OSTF1: variants seen among roughly 807,000 people sequenced by gnomAD.
The protein encoded by OSTF1 is osteoclast-stimulating factor 1.
OSTF1 carries 27 observed loss-of-function variants against 37.2 expected under a neutral mutation model. The observed-to-expected ratio is 0.73, with a 90% CI of 0.54 to 1.00. The LOEUF is 1.00. Ranked by LOEUF, OSTF1 falls within the 50% of genes least tolerant of loss-of-function variation. The probability of loss-of-function intolerance (pLI) is 0.00; values close to 1 mark genes in which losing one functional copy is unlikely to be tolerated. For synonymous variants in OSTF1, 82 were observed against 89.2 expected, an observed-to-expected ratio of 0.92 and a Z score of 0.46; for missense variants, 232 against 253.8, an observed-to-expected ratio of 0.91 and a Z score of 0.58.
intron 1 of OSTF1, among the ~76,000 whole-genome samples, chr9:75,115,656 G>GT (rs1825476106): frequency 3.1e-5 from 4 of 129,030 alleles, no homozygotes; most frequent in African/African-American, 5.9e-5. Context: ...TTTTTTTTTT[G>GT]TTTTTTGTTT....
intron 2 of OSTF1, among the ~76,000 whole-genome samples, chr9:75,126,577 GT>G (rs1427983604): frequency 6.6e-6 from 1 of 151,990 alleles, no homozygotes; most frequent in East Asian, 1.9e-4. Context: ...TTTTTTGGTT[GT>G]TTTTGTTTGT....
At chr9:75,098,865 A>G (rs1825136565) in intron 1 of OSTF1, among the ~76,000 whole-genome samples, 1 of 152,228 alleles carries the variant, frequency 6.6e-6, no homozygotes, top group Non-Finnish European at 1.5e-5. Flanking sequence ...TGCTAAGAGA[A>G]TGATTCTCTC....
intron 7 of OSTF1, 39 bp from the exon 8 acceptor site, chr9:75,137,499 C>G (rs772271599): frequency 1.5e-6 from 2 of 1,335,796 alleles, no homozygotes; most frequent in South Asian, 1.2e-5. Context: ...AATCCACCCT[C>G]TATCTTAAAA....
intron 2 of OSTF1, among the ~76,000 whole-genome samples, chr9:75,120,243 C>T (rs993157006): frequency 6.6e-5 from 10 of 152,200 alleles, no homozygotes; most frequent in East Asian, 1.9e-4. Flanking sequence ...TGGACTCTAA[C>T]GTAAGAATTT....
At chr9:75,112,151 G>C (rs766960394) in intron 1 of OSTF1, among the ~76,000 whole-genome samples, 2 of 151,156 alleles carry the variant, frequency 1.3e-5, no homozygotes, top group Non-Finnish European at 2.9e-5. Flanking sequence ...ATGTTTGCAG[G>C]GAAGATAATA....
At chr9:75,120,528 G>C (rs1401800857) in intron 2 of OSTF1, among the ~76,000 whole-genome samples, 1 of 152,114 alleles carries the variant, frequency 6.6e-6, no homozygotes, top group Non-Finnish European at 1.5e-5. Flanking sequence ...TGAGACTGGA[G>C]GTGACTCTTG....
At chr9:75,090,584 A>G (rs1252588208) in intron 1 of OSTF1, among the ~76,000 whole-genome samples, 1 of 152,218 alleles carries the variant, frequency 6.6e-6, no homozygotes, top group Non-Finnish European at 1.5e-5. Flanking sequence ...CAAAGTTACC[A>G]TAGAAATGGG....
At chr9:75,116,623 T>TG (rs1393012810) in intron 1 of OSTF1, among the ~76,000 whole-genome samples, 58 of 151,740 alleles carry the variant, frequency 3.8e-4, no homozygotes, top group African/African-American at 1.4e-3. Context: ...TTTTTTTTTT[T>TG]TCCTCCGTGG....
intron 1 of OSTF1, among the ~76,000 whole-genome samples, chr9:75,093,064 C>CTTTTTTTTTTTTTTTTTTTT (rs1043919048): frequency 8.9e-6 from 1 of 112,860 alleles, no homozygotes; most frequent in African/African-American, 3.2e-5. Context: ...TTCTTTCTTT[C>CTTTTTTTTTTTTTTTTTTTT]TTTTTTTTTT....
At chr9:75,125,067 A>G (rs1271462285) in intron 2 of OSTF1, among the ~76,000 whole-genome samples, 1 of 152,184 alleles carries the variant, frequency 6.6e-6, no homozygotes, top group Non-Finnish European at 1.5e-5. Context: ...GTTCCTCCAG[A>G]AAAATGTTGC....
chr9:75,109,112 AAG>A (rs1825340761), intron 1 of OSTF1, among the ~76,000 whole-genome samples: 1 of 149,648 alleles, frequency 6.7e-6, no homozygotes, highest in Non-Finnish European at 1.5e-5. Context: ...TGCTGTGTTC[AAG>A]AGATTCTCCT....
chr9:75,098,660 A>G (rs1426417916), intron 1 of OSTF1, among the ~76,000 whole-genome samples: 1 of 152,158 alleles, frequency 6.6e-6, no homozygotes, highest in Middle Eastern at 3.2e-3. Flanking sequence ...ATTCTACTAG[A>G]TTTTAGAAAT....
intron 1 of OSTF1, among the ~76,000 whole-genome samples, chr9:75,109,996 G>A (rs1825356238): frequency 6.6e-6 from 1 of 152,154 alleles, no homozygotes; most frequent in Non-Finnish European, 1.5e-5. Context: ...CACATGTGTA[G>A]CCCCTCCATT....
rs1826042150 is a variant in OSTF1 at position 75,147,205 on chromosome 9, T to C, written c.*464T>C. On this transcript the variant is annotated 3_prime_UTR_variant, in exon 10 of 10. Coordinates refer to ENST00000346234, the MANE Select transcript of OSTF1 (RefSeq NM_012383.5). The stretch of plus-strand genomic sequence containing the variant: ...AACATTTTGAGAGACTTTATTTCTT[T>C]TGTCCGTTTCTGTGGTATCACTCAT... The C allele has an allele frequency of 6.6e-6, 1 of 152,402 alleles. No homozygotes were observed. Among genetic ancestry groups the C allele is most frequent in the Non-Finnish European group, 1.5e-5 (1 of 68,308 alleles). The allele number at this position is 152,402 out of a possible 1,614,324, so 9.4% of individuals were successfully genotyped here.
intron 2 of OSTF1, among the ~76,000 whole-genome samples, chr9:75,125,586 G>A (rs961919445): frequency 6.6e-6 from 1 of 152,164 alleles, no homozygotes; most frequent in South Asian, 2.1e-4. Flanking sequence ...AAATCAAAGT[G>A]TAAAAGCAAT....
intron 1 of OSTF1, among the ~76,000 whole-genome samples, chr9:75,106,230 C>G (rs1029031953): frequency 6.6e-6 from 1 of 152,150 alleles, no homozygotes; most frequent in Non-Finnish European, 1.5e-5. Context: ...TTTAATTAAT[C>G]CAAGAGTATA....
chr9:75,108,608 T>A (rs942377464), intron 1 of OSTF1, among the ~76,000 whole-genome samples: 3 of 151,946 alleles, frequency 2.0e-5, no homozygotes, highest in Non-Finnish European at 4.4e-5. Context: ...GTTGAGAGAG[T>A]GTGATTGCTA....
At chr9:75,094,131 C>T (rs1825030317) in intron 1 of OSTF1, among the ~76,000 whole-genome samples, 1 of 152,174 alleles carries the variant, frequency 6.6e-6, no homozygotes, top group Non-Finnish European at 1.5e-5. Flanking sequence ...AGCAGAGAAA[C>T]CTGCCAGAGA....
Position 75,102,555 on chromosome 9 carries a change from T to C in OSTF1, c.34+13829T>C, listed in dbSNP as rs1825212256. 2.6e-5 allele frequency among the ~76,000 whole-genome samples: 4 copies of C among 152,192 alleles called. No individual in the cohort carries two copies. In the South Asian group the frequency reaches 8.3e-4, roughly 32 times the overall value. On this transcript the variant is annotated intron_variant, in intron 1 of 9. Transcript: ENST00000346234. ...TATGAAATATATTTCTTCCTACGGA[T>C]CTCGAAAAAGTTTGAAAACCTCTAG...
Sources: allele counts gnomAD v4.1 joint callset (sites outside exome capture counted in the v4.1 genomes callset), GRCh38; gene constraint gnomAD v4.1.1; transcripts MANE v1.5; gene names NCBI Gene and HGNC (gene_info 2026-07-23, HGNC 2026-07-21).